The following TCF12 variants were observed in gnomAD, a reference collection of about 807,000 sequenced individuals.
The protein encoded by TCF12 is DNA-binding protein HTF4.
Under a neutral mutation model 86.0 loss-of-function variants are expected in TCF12, and 45 were observed. The observed-to-expected ratio is 0.52, with a 90% CI of 0.41 to 0.67. The LOEUF is 0.67. Among genes scored for constraint, TCF12 ranks in the 30% least tolerant of loss-of-function variants. The probability of loss-of-function intolerance (pLI) is 0.00; values close to 1 mark genes in which losing one functional copy is unlikely to be tolerated. For synonymous variants in TCF12, 330 were observed against 299.6 expected (o/e 1.10, Z -1.05); for missense variants, 881 against 859.9 (o/e 1.02, Z -0.31).
chr15:57,226,459 T>C (rs2058884014), intron 8 of TCF12, among the ~76,000 whole-genome samples: 2 of 152,116 alleles, frequency 1.3e-5, no homozygotes, highest in African/African-American at 4.8e-5. Flanking sequence ...CTTTCACATA[T>C]TTGAGGCCCA....
chr15:56,925,240 G>GCCCCCCCCCCCCCCCCCCCCCCCCC (rs11465192), intron 3 of TCF12, among the ~76,000 whole-genome samples: 10 of 136,244 alleles, frequency 7.3e-5, no homozygotes, highest in Non-Finnish European at 9.4e-5. Context: ...GGTGTCCACC[G>GCCCCCCCCCCCCCCCCCCCCCCCCC]CCCCCCCACC....
chr15:57,089,666 T>C (rs1189778076), intron 4 of TCF12, among the ~76,000 whole-genome samples: 1 of 152,080 alleles, frequency 6.6e-6, no homozygotes, highest in Non-Finnish European at 1.5e-5. Flanking sequence ...ACAAAATTGC[T>C]CTTTCATTTG....
chr15:57,154,845 A>G (rs1440319614), intron 5 of TCF12, among the ~76,000 whole-genome samples: 2 of 152,232 alleles, frequency 1.3e-5, no homozygotes, highest in Non-Finnish European at 2.9e-5. Context: ...ATGAATATTT[A>G]AGATATATAT....
At chr15:57,211,381 A>G (rs1337838481) in intron 8 of TCF12, among the ~76,000 whole-genome samples, 2 of 152,182 alleles carry the variant, frequency 1.3e-5, no homozygotes, top group Non-Finnish European at 2.9e-5. Flanking sequence ...GCTGGGCAAC[A>G]AAGTGAGACC....
intron 3 of TCF12, among the ~76,000 whole-genome samples, chr15:56,955,121 A>G (rs2061449609): frequency 6.6e-6 from 1 of 152,238 alleles, no homozygotes; most frequent in Non-Finnish European, 1.5e-5. Context: ...TTGTGGCACT[A>G]TTCACAATAG....
intron 5 of TCF12, among the ~76,000 whole-genome samples, chr15:57,133,624 GTT>G (rs61579168): frequency 0.01 from 1,499 of 144,622 alleles, 23 homozygotes; most frequent in African/African-American, 0.036. Context: ...GCAGTAATGT[GTT>G]TTTTTTTTTT....
rs1239944343 is a variant in TCF12 at position 57,243,531 on chromosome 15, A to T, written c.1095A>T (p.Gly365=). 2.5e-6 allele frequency: 4 copies of T among 1,613,930 alleles called. No individual in the cohort carries two copies. Among genetic ancestry groups the T allele is most frequent in the Non-Finnish European group, 3.4e-6 (4 of 1,179,884 alleles). ...CGTCAAATCCATCAACACCAGTTGGATCACCTTCACCTCTCACAGGTAGGC... is the reference window on the plus strand; with the variant it reads ...CGTCAAATCCATCAACACCAGTTGGTTCACCTTCACCTCTCACAGGTAGGC... ...SFPSNPSTPV[G]SPSPLTGTSQ... is the part of the protein sequence containing the mutation. Residue 365 remains glycine, a synonymous_variant, in exon 13 of 21, where the codon GGA becomes GGT. Coordinates refer to ENST00000333725, the MANE Select transcript of TCF12 (RefSeq NM_207037.2).
At chr15:56,920,967 G>GT in intron 2 of TCF12, 59 bp from the exon 3 acceptor site, 1 of 1,395,104 alleles carries the variant, frequency 7.2e-7, no homozygotes, top group Non-Finnish European at 9.7e-7. Context: ...GTGGACTTTT[G>GT]TTTGCAAGGA....
intron 3 of TCF12, among the ~76,000 whole-genome samples, chr15:56,926,766 G>T (rs1383887117): frequency 6.6e-6 from 1 of 152,212 alleles, no homozygotes; most frequent in Non-Finnish European, 1.5e-5. Context: ...TCTTGGGTAT[G>T]TTCCTTTACT....
intron 3 of TCF12, among the ~76,000 whole-genome samples, chr15:57,008,941 G>A (rs189966891): frequency 2.0e-5 from 3 of 152,146 alleles, no homozygotes; most frequent in Admixed American, 1.3e-4. Context: ...GTTTGGATAA[G>A]CAAAGTCAAC....
intron 5 of TCF12, among the ~76,000 whole-genome samples, chr15:57,157,805 C>T (rs902952440): frequency 2.0e-4 from 30 of 152,100 alleles, no homozygotes; most frequent in African/African-American, 7.2e-4. Context: ...TCAGGTGATC[C>T]GCCCACTTTA....
At chr15:57,187,755 C>T (rs1464275893) in intron 6 of TCF12, among the ~76,000 whole-genome samples, 2 of 151,974 alleles carry the variant, frequency 1.3e-5, no homozygotes, top group African/African-American at 2.4e-5. Flanking sequence ...CATGGTGAAA[C>T]CCCATCTCTA....
intron 3 of TCF12, among the ~76,000 whole-genome samples, chr15:56,932,812 G>A (rs1475504740): frequency 6.6e-6 from 1 of 152,146 alleles, no homozygotes; most frequent in Non-Finnish European, 1.5e-5. Flanking sequence ...GCCTCCCAAA[G>A]TGCTGGGATT....
intron 19 of TCF12, among the ~76,000 whole-genome samples, 163 bp downstream of exon 19, chr15:57,273,425 A>C (rs1010640272): frequency 3.3e-5 from 5 of 151,914 alleles, no homozygotes; most frequent in African/African-American, 1.2e-4. Flanking sequence ...CTTCTGTCTC[A>C]CTGTATCACC....
intron 3 of TCF12, among the ~76,000 whole-genome samples, chr15:57,059,545 T>C (rs1393809613): frequency 1.3e-5 from 2 of 152,098 alleles, no homozygotes; most frequent in South Asian, 2.1e-4. Flanking sequence ...GCGGAGTCTT[T>C]AGTGATAGGT....
chr15:57,170,767 ATATT>A (rs2055400239), intron 6 of TCF12, among the ~76,000 whole-genome samples: 2 of 13,492 alleles, frequency 1.5e-4, no homozygotes, highest in African/African-American at 5.5e-4. Flanking sequence ...TATTATATAT[ATATT>A]ATATATAATA....
intron 5 of TCF12, among the ~76,000 whole-genome samples, chr15:57,112,240 C>T (rs1475178967): frequency 6.6e-6 from 1 of 152,156 alleles, no homozygotes; most frequent in African/African-American, 2.4e-5. Flanking sequence ...GCGGGAATAG[C>T]CCTGTGACCT....
intron 3 of TCF12, among the ~76,000 whole-genome samples, chr15:57,023,252 G>A (rs1678961982): frequency 6.6e-6 from 1 of 152,120 alleles, no homozygotes; most frequent in Admixed American, 6.5e-5. Flanking sequence ...CTTGTTTAGA[G>A]TATTTATTGA....
At chr15:57,281,753 G>A (rs1019498025) in intron 19 of TCF12, 28 of 152,904 alleles carry the variant, frequency 1.8e-4, no homozygotes, top group African/African-American at 6.3e-4. Context: ...GGACCATCTA[G>A]TTTCATGAAA....
Sources: gnomAD v4.1 joint callset for allele counts (sites outside exome capture counted in the v4.1 genomes callset) on GRCh38, gnomAD v4.1.1 for gene constraint, MANE v1.5 for transcripts, NCBI Gene and HGNC (gene_info 2026-07-23, HGNC 2026-07-21) for gene names.